N4BP2L2: variants seen among roughly 807,000 people sequenced by gnomAD.
N4BP2L2 encodes NEDD4 binding protein 2 like 2, also known as NEDD4-binding protein 2-like 2.
In N4BP2L2, 50 loss-of-function variants were observed where a neutral mutation model predicts 56.2. That is an observed-to-expected ratio of 0.89 (90% CI 0.71 to 1.13). N4BP2L2 has a LOEUF of 1.13. Among genes scored for constraint, N4BP2L2 ranks in the 50% most tolerant of loss-of-function variants. N4BP2L2 has a pLI of 0.00. For missense variants in N4BP2L2, 689 were observed against 693.8 expected (o/e 0.99, Z 0.08); for synonymous variants, 203 against 223.6 (o/e 0.91, Z 0.82).
At chr13:32,526,159 T>C (rs2052695713) in intron 3 of N4BP2L2, among the ~76,000 whole-genome samples, 2 of 152,042 alleles carry the variant, frequency 1.3e-5, no homozygotes, top group African/African-American at 4.8e-5. Context: ...AACTACAGCA[T>C]GTGGAACTTT....
chr13:32,511,947 A>G (rs1415204208), exon 6 of N4BP2L2: 1 of 152,170 alleles, frequency 6.6e-6, no homozygotes, highest in Non-Finnish European at 1.5e-5. Flanking sequence ...AGAGTTCAGA[A>G]TTACTCTTCA....
intron 6 of N4BP2L2, among the ~76,000 whole-genome samples, chr13:32,487,148 G>A (rs544839022): frequency 3.1e-4 from 47 of 152,122 alleles, no homozygotes; most frequent in Non-Finnish European, 5.4e-4. Flanking sequence ...GTAACATGGT[G>A]AGACCCCATC....
chr13:32,434,603 A>G (rs2075266399), intron 9 of N4BP2L2, among the ~76,000 whole-genome samples: 1 of 151,986 alleles, frequency 6.6e-6, no homozygotes, highest in Non-Finnish European at 1.5e-5. Flanking sequence ...ATGACATTAA[A>G]CACCCTGGCA....
At chr13:32,474,883 A>G (rs2082999901) in intron 6 of N4BP2L2, among the ~76,000 whole-genome samples, 1 of 152,250 alleles carries the variant, frequency 6.6e-6, no homozygotes, top group African/African-American at 2.4e-5. Context: ...GGAGTACTGT[A>G]CATGATCCAT....
At chr13:32,447,547 C>T (rs1423897942) in intron 6 of N4BP2L2, among the ~76,000 whole-genome samples, 1 of 152,044 alleles carries the variant, frequency 6.6e-6, no homozygotes. Flanking sequence ...GGATATTGGC[C>T]TAATTAGAGG....
intron 6 of N4BP2L2, among the ~76,000 whole-genome samples, chr13:32,459,381 C>A (rs1349110934): frequency 6.6e-6 from 1 of 151,766 alleles, no homozygotes; most frequent in Admixed American, 6.6e-5. Flanking sequence ...AAATTAAACA[C>A]TAGCTAAACT....
chr13:32,501,177 A>G (rs188865681), intron 6 of N4BP2L2, among the ~76,000 whole-genome samples: 1 of 152,194 alleles, frequency 6.6e-6, no homozygotes, highest in Non-Finnish European at 1.5e-5. Flanking sequence ...CCACTTTTCT[A>G]ACTATTGTGA....
intron 5 of N4BP2L2, among the ~76,000 whole-genome samples, chr13:32,518,961 A>G (rs898171405): frequency 6.6e-6 from 1 of 152,226 alleles, no homozygotes; most frequent in Admixed American, 6.5e-5. Context: ...TGACCTGGAC[A>G]TGACAAAACA....
At chr13:32,433,538 T>A (rs1057322235) in intron 9 of N4BP2L2, among the ~76,000 whole-genome samples, 1 of 151,206 alleles carries the variant, frequency 6.6e-6, no homozygotes, top group Non-Finnish European at 1.5e-5. Context: ...GAGGCTGAGG[T>A]AGGAGAATCG....
intron 9 of N4BP2L2, among the ~76,000 whole-genome samples, chr13:32,434,394 G>C (rs954569561): frequency 1.3e-5 from 2 of 151,544 alleles, no homozygotes; most frequent in Non-Finnish European, 2.9e-5. Context: ...CACCGTGCCC[G>C]GCCAGTTTTT....
At chr13:32,522,339 A>C in intron 3 of N4BP2L2, 69 bp from the exon 4 acceptor site, 3 of 1,030,496 alleles carry the variant, frequency 2.9e-6, no homozygotes, top group Non-Finnish European at 4.2e-6. Context: ...TTAAACATTT[A>C]TTATTAAGAA....
intron 6 of N4BP2L2, among the ~76,000 whole-genome samples, chr13:32,476,280 A>G (rs984150887): frequency 6.6e-6 from 1 of 152,192 alleles, no homozygotes; most frequent in Non-Finnish European, 1.5e-5. Context: ...TTAACAGGGT[A>G]AGGGAGCAGG....
At chr13:32,472,412 G>T (rs76067923) in intron 6 of N4BP2L2, among the ~76,000 whole-genome samples, 1 of 152,154 alleles carries the variant, frequency 6.6e-6, no homozygotes, top group Non-Finnish European at 1.5e-5. Context: ...TTGCTGTGCT[G>T]GTTATTTTTC....
chr13:32,517,868 C>T (rs748239421), exon 6 of N4BP2L2: 2 of 1,614,092 alleles, frequency 1.2e-6, no homozygotes, highest in South Asian at 2.2e-5. Flanking sequence ...TCTGTCTCCC[C>T]TGTGGAGGAG....
At chr13:32,538,572 A>T in intron 1 of N4BP2L2, 46 bp downstream of exon 1, 1 of 962,382 alleles carries the variant, frequency 1.0e-6, no homozygotes, top group Non-Finnish European at 1.2e-6. Flanking sequence ...AAAGCGAAAA[A>T]CACCACCACC....
exon 4 of N4BP2L2, chr13:32,522,231 A>G: frequency 6.4e-7 from 1 of 1,572,590 alleles, no homozygotes. Flanking sequence ...AGTGTTATCT[A>G]TTATAACTGG....
chr13:32,511,101 A>G (rs2048040773), exon 6 of N4BP2L2: 1 of 152,202 alleles, frequency 6.6e-6, no homozygotes, highest in Non-Finnish European at 1.5e-5. Flanking sequence ...TAAGTCGTTT[A>G]ACCTAAATTT....
intron 6 of N4BP2L2, chr13:32,444,153 G>A (rs1468598092): frequency 7.0e-7 from 1 of 1,438,210 alleles, no homozygotes; most frequent in Non-Finnish European, 9.2e-7. Context: ...TTAAGAAAAT[G>A]TATGACTTAA....
chr13:32,538,829 C>T, upstream of N4BP2L2: 2 of 985,450 alleles, frequency 2.0e-6, no homozygotes, highest in Non-Finnish European at 2.4e-6. Flanking sequence ...CAAAACTAGG[C>T]GTTTGCGCCA....
Sources: allele counts gnomAD v4.1 joint callset (sites outside exome capture counted in the v4.1 genomes callset), GRCh38; gene constraint gnomAD v4.1.1; transcripts MANE v1.5; gene names NCBI Gene and HGNC (gene_info 2026-07-23, HGNC 2026-07-21).